Variants in ATG7 observed in about 807,000 individuals in gnomAD.
The protein encoded by ATG7 is autophagy related 7.
ATG7 carries 70 observed loss-of-function variants against 82.4 expected under a neutral mutation model. That is an observed-to-expected ratio of 0.85 (90% CI 0.70 to 1.04). The LOEUF is 1.04. Among genes scored for constraint, ATG7 ranks in the 50% least tolerant of loss-of-function variants. ATG7 has a pLI of 0.00. For synonymous variants in ATG7, 287 were observed against 313.0 expected, an observed-to-expected ratio of 0.92 and a Z score of 0.88; for missense variants, 792 against 864.3, an observed-to-expected ratio of 0.92 and a Z score of 1.05.
At chr3:11,286,985 A>G (rs983291376) in intron 3 of ATG7, among the ~76,000 whole-genome samples, 3 of 151,792 alleles carry the variant, frequency 2.0e-5, no homozygotes, top group African/African-American at 7.3e-5. Context: ...CAGGCTGGTC[A>G]TGAACTCCTG....
At chr3:11,422,890 G>C (rs1305626709) in intron 19 of ATG7, among the ~76,000 whole-genome samples, 1 of 151,892 alleles carries the variant, frequency 6.6e-6, no homozygotes, top group Non-Finnish European at 1.5e-5. Context: ...AGGTAGCTGG[G>C]ATTACAGGCG....
chr3:11,530,364 G>A (rs113308792), intron 20 of ATG7, among the ~76,000 whole-genome samples: 9 of 152,238 alleles, frequency 5.9e-5, no homozygotes, highest in African/African-American at 1.9e-4. Context: ...ACTCTGCATC[G>A]CCACCTTCTG....
chr3:11,275,387 C>T (rs1238929088), intron 1 of ATG7, among the ~76,000 whole-genome samples: 25 of 148,918 alleles, frequency 1.7e-4, no homozygotes, highest in African/African-American at 6.0e-4. Context: ...CTCACTCTGT[C>T]GCCCAGGCTG....
At chr3:11,285,850 A>G (rs116054333) in intron 3 of ATG7, among the ~76,000 whole-genome samples, 1 of 151,942 alleles carries the variant, frequency 6.6e-6, no homozygotes, top group African/African-American at 2.4e-5. Context: ...TCTCCCAGAG[A>G]CTCCCATTCA....
At chr3:11,274,727 T>G (rs1280490479) in intron 1 of ATG7, among the ~76,000 whole-genome samples, 1 of 152,126 alleles carries the variant, frequency 6.6e-6, no homozygotes, top group Non-Finnish European at 1.5e-5. Context: ...AGTCACTTCT[T>G]TCTAAGCTTC....
chr3:11,535,124 C>T (rs2092765718), intron 20 of ATG7, among the ~76,000 whole-genome samples: 1 of 152,264 alleles, frequency 6.6e-6, no homozygotes, highest in Admixed American at 6.5e-5. Flanking sequence ...GGGGGCCCCC[C>T]TTGAGGCTGA....
chr3:11,523,157 G>A (rs562549959), intron 20 of ATG7, among the ~76,000 whole-genome samples: 62 of 152,228 alleles, frequency 4.1e-4, no homozygotes, highest in Non-Finnish European at 8.4e-4. Flanking sequence ...TCCCCAGGTT[G>A]TAAGGATTAG....
chr3:11,430,410 T>A (rs1313597874), intron 20 of ATG7, among the ~76,000 whole-genome samples: 1 of 152,154 alleles, frequency 6.6e-6, no homozygotes, highest in Non-Finnish European at 1.5e-5. Context: ...TTACAGGTGG[T>A]CAGTAATAAA....
intron 20 of ATG7, among the ~76,000 whole-genome samples, chr3:11,453,587 G>A (rs555563036): frequency 6.6e-6 from 1 of 152,296 alleles, no homozygotes; most frequent in Admixed American, 6.5e-5. Flanking sequence ...GATGTTCCAA[G>A]CTCTTTGTCT....
intron 13 of ATG7, among the ~76,000 whole-genome samples, chr3:11,345,994 T>C (rs1954482128): frequency 6.6e-6 from 1 of 152,232 alleles, no homozygotes; most frequent in South Asian, 2.1e-4. Context: ...TTTTATTAGA[T>C]ATATAATAAT....
At chr3:11,316,219 G>A (rs1394645123) in intron 9 of ATG7, among the ~76,000 whole-genome samples, 1 of 152,116 alleles carries the variant, frequency 6.6e-6, no homozygotes, top group Non-Finnish European at 1.5e-5. Flanking sequence ...CACATTTAGT[G>A]TATCATTCAT....
intron 18 of ATG7, among the ~76,000 whole-genome samples, chr3:11,376,700 T>A: frequency 1.3e-5 from 2 of 152,288 alleles, no homozygotes; most frequent in Admixed American, 1.3e-4. Flanking sequence ...CAGAGGGACC[T>A]TGGAGTGCAA....
intron 20 of ATG7, among the ~76,000 whole-genome samples, chr3:11,516,379 C>T (rs765404380): frequency 1.3e-5 from 2 of 151,904 alleles, no homozygotes; most frequent in Non-Finnish European, 2.9e-5. Context: ...CATCATATGC[C>T]CATTCAAATG....
At chr3:11,377,549 A>G (rs1226017222) in intron 18 of ATG7, among the ~76,000 whole-genome samples, 4 of 152,162 alleles carry the variant, frequency 2.6e-5, no homozygotes, top group African/African-American at 9.7e-5. Flanking sequence ...CAATGATAAG[A>G]CAGTATCAGA....
intron 14 of ATG7, among the ~76,000 whole-genome samples, chr3:11,354,650 C>CAA (rs5846706): frequency 4.2e-3 from 262 of 61,832 alleles, no homozygotes; most frequent in Middle Eastern, 0.021. Flanking sequence ...TCCATCTCAC[C>CAA]AAAAAAAAAA....
chr3:11,439,584 G>A (rs1396815249), intron 20 of ATG7, among the ~76,000 whole-genome samples: 8 of 152,220 alleles, frequency 5.3e-5, no homozygotes, highest in African/African-American at 1.4e-4. Flanking sequence ...GGCAGACGCA[G>A]TATAGTTGGG....
chr3:11,331,566 T>C, intron 10 of ATG7, 138 bp downstream of exon 10: 2 of 765,384 alleles, frequency 2.6e-6, no homozygotes, highest in East Asian at 5.1e-5. Flanking sequence ...AGGTAATCAA[T>C]AAATCAGTCA....
chr3:11,431,508 C>T (rs1246588532), intron 20 of ATG7, among the ~76,000 whole-genome samples: 2 of 152,132 alleles, frequency 1.3e-5, no homozygotes, highest in Non-Finnish European at 2.9e-5. Context: ...ATTTTCATCC[C>T]CCACACCCAA....
chr3:11,303,655 G>A (rs965966792), intron 5 of ATG7, among the ~76,000 whole-genome samples: 5 of 151,280 alleles, frequency 3.3e-5, no homozygotes, highest in East Asian at 2.0e-4. Flanking sequence ...GCGACAGAGC[G>A]AGACTCCGTC....
Sources: allele counts gnomAD v4.1 joint callset (sites outside exome capture counted in the v4.1 genomes callset), GRCh38; gene constraint gnomAD v4.1.1; transcripts MANE v1.5; gene names NCBI Gene and HGNC (gene_info 2026-07-23, HGNC 2026-07-21).